The following UBE2L3 variants were observed in gnomAD, a reference collection of about 807,000 sequenced individuals.
UBE2L3 encodes ubiquitin conjugating enzyme E2 L3.
UBE2L3 carries 1 observed loss-of-function variant against 17.8 expected under a neutral mutation model. That is an observed-to-expected ratio of 0.06 (90% CI 0.02 to 0.27). UBE2L3 has a LOEUF of 0.27. UBE2L3 is among the 10% of genes least tolerant of loss of function. The probability of loss-of-function intolerance (pLI) is 1.00; values close to 1 mark genes in which losing one functional copy is unlikely to be tolerated. For missense variants in UBE2L3, 40 were observed against 192.6 expected (o/e 0.21, Z 4.69); for synonymous variants, 44 against 68.5 (o/e 0.64, Z 1.76).
intron 1 of UBE2L3, among the ~76,000 whole-genome samples, chr22:21,561,939 G>C (rs1279006204): frequency 6.6e-6 from 1 of 152,132 alleles, no homozygotes; most frequent in African/African-American, 2.4e-5. Flanking sequence ...TGTTAGTACT[G>C]CTCTATGGTG....
chr22:21,578,997 A>ATTTT (rs1050171367), intron 1 of UBE2L3, among the ~76,000 whole-genome samples: 3 of 132,188 alleles, frequency 2.3e-5, no homozygotes, highest in African/African-American at 7.7e-5. Context: ...TTATTTATTT[A>ATTTT]TTTATTTTTT....
At chr22:21,556,062 C>G (rs1926214127) in intron 1 of UBE2L3, among the ~76,000 whole-genome samples, 2 of 152,224 alleles carry the variant, frequency 1.3e-5, no homozygotes, top group African/African-American at 4.8e-5. Context: ...TGACACCCAC[C>G]TCTACAAAAA....
At chr22:21,557,792 A>G (rs1341065112) in intron 1 of UBE2L3, among the ~76,000 whole-genome samples, 4 of 152,242 alleles carry the variant, frequency 2.6e-5, no homozygotes, top group African/African-American at 9.7e-5. Context: ...AAGTGCTGGG[A>G]TTACAGGTGT....
At chr22:21,597,454 C>T (rs1202350326) in intron 2 of UBE2L3, among the ~76,000 whole-genome samples, 1 of 151,924 alleles carries the variant, frequency 6.6e-6, no homozygotes, top group Admixed American at 6.6e-5. Context: ...CTGCAACCCC[C>T]AGCTAATTTT....
At chr22:21,587,372 G>C (rs960547365) in intron 1 of UBE2L3, among the ~76,000 whole-genome samples, 1 of 151,860 alleles carries the variant, frequency 6.6e-6, no homozygotes, top group African/African-American at 2.4e-5. Flanking sequence ...TGTATTTTTA[G>C]TAGAGACGGG....
At chr22:21,586,769 T>A (rs778224364) in intron 1 of UBE2L3, among the ~76,000 whole-genome samples, 2 of 151,462 alleles carry the variant, frequency 1.3e-5, no homozygotes, top group Non-Finnish European at 2.9e-5. Context: ...TGTTTTACCA[T>A]GTCGGCCAGG....
At chr22:21,551,968 C>T (rs1485777847) in intron 1 of UBE2L3, among the ~76,000 whole-genome samples, 1 of 119,002 alleles carries the variant, frequency 8.4e-6, no homozygotes, top group Non-Finnish European at 1.7e-5. Flanking sequence ...AAGAAACATA[C>T]ATACACACAC....
At chr22:21,564,322 C>T (rs1926559308), upstream of UBE2L3, among the ~76,000 whole-genome samples, 5 of 152,166 alleles carry the variant, frequency 3.3e-5, no homozygotes, top group Admixed American at 2.6e-4. Context: ...GCATGAGTCA[C>T]CACAAGGTTA....
At chr22:21,555,525 T>G (rs1269490931) in intron 1 of UBE2L3, 1 of 155,380 alleles carries the variant, frequency 6.4e-6, no homozygotes, top group Non-Finnish European at 1.4e-5. Context: ...CTCGGGAGGC[T>G]GAGGCAGGAG....
intron 1 of UBE2L3, among the ~76,000 whole-genome samples, chr22:21,562,624 G>A (rs923443826): frequency 1.3e-5 from 2 of 150,202 alleles, no homozygotes; most frequent in Non-Finnish European, 3.0e-5. Context: ...GCCTGCCTCG[G>A]CCTCCCAAAG....
At chr22:21,595,863 T>G (rs1176267248) in intron 2 of UBE2L3, among the ~76,000 whole-genome samples, 1 of 152,106 alleles carries the variant, frequency 6.6e-6, no homozygotes, top group Non-Finnish European at 1.5e-5. Flanking sequence ...CAGCCTTTTT[T>G]CATGCAGTTT....
chr22:21,564,393 G>A (rs2148394470), upstream of UBE2L3, among the ~76,000 whole-genome samples: 1 of 152,280 alleles, frequency 6.6e-6, no homozygotes, highest in Non-Finnish European at 1.5e-5. Flanking sequence ...AACAAGGTTT[G>A]GCTGAGTGGA....
At chr22:21,566,730 C>A (rs921261685), upstream of UBE2L3, among the ~76,000 whole-genome samples, 1 of 152,108 alleles carries the variant, frequency 6.6e-6, no homozygotes, top group Non-Finnish European at 1.5e-5. Flanking sequence ...CCCTATAATC[C>A]TTTTACTCCA....
At chr22:21,583,078 C>T (rs1410869384) in intron 1 of UBE2L3, among the ~76,000 whole-genome samples, 2 of 152,218 alleles carry the variant, frequency 1.3e-5, no homozygotes, top group African/African-American at 2.4e-5. Context: ...TGGCCCTGAT[C>T]ATGAGTGCCC....
chr22:21,584,225 T>G (rs1341223772), intron 1 of UBE2L3, among the ~76,000 whole-genome samples: 2 of 147,028 alleles, frequency 1.4e-5, no homozygotes, highest in African/African-American at 5.1e-5. Flanking sequence ...TCACCCAGGC[T>G]GGAGTGCAGT....
chr22:21,561,674 G>A (rs1286745056), intron 1 of UBE2L3, among the ~76,000 whole-genome samples: 1 of 152,274 alleles, frequency 6.6e-6, no homozygotes, highest in African/African-American at 2.4e-5. Context: ...CATGGGGAGT[G>A]TAGTGGGAGG....
chr22:21,620,632 G>A (rs901658017), intron 3 of UBE2L3, among the ~76,000 whole-genome samples: 2 of 152,102 alleles, frequency 1.3e-5, no homozygotes, highest in Non-Finnish European at 2.9e-5. Context: ...GGCACCTAGG[G>A]GGAGTACTGT....
intron 1 of UBE2L3, among the ~76,000 whole-genome samples, chr22:21,581,960 A>C (rs9609810): frequency 0.073 from 11,014 of 150,778 alleles, 607 homozygotes; most frequent in Non-Finnish European, 0.11. Context: ...GAAAAAAAAA[A>C]ACAAAAATAA....
intron 1 of UBE2L3, among the ~76,000 whole-genome samples, chr22:21,584,925 C>G (rs953640408): frequency 6.6e-6 from 1 of 152,206 alleles, no homozygotes. Context: ...CACGCCTCCA[C>G]ACTCCAGCCT....
Sources: gnomAD v4.1 joint callset for allele counts (sites outside exome capture counted in the v4.1 genomes callset) on GRCh38, gnomAD v4.1.1 for gene constraint, MANE v1.5 for transcripts, NCBI Gene and HGNC (gene_info 2026-07-23, HGNC 2026-07-21) for gene names.